DNAH9: variants seen among roughly 807,000 people sequenced by gnomAD.
The protein encoded by DNAH9 is DNAH9 variant protein.
In DNAH9, 345 loss-of-function variants were observed where a neutral mutation model predicts 471.6. The ratio of observed to expected loss-of-function variants is 0.73; its 90% CI spans 0.67 to 0.80. The LOEUF is 0.80. Among genes scored for constraint, DNAH9 ranks in the 30% least tolerant of loss-of-function variants. DNAH9 has a pLI of 0.00. For missense variants in DNAH9, 5,407 were observed against 5,609.2 expected, an observed-to-expected ratio of 0.96 and a Z score of 1.15; for synonymous variants, 2,093 against 2,123.6, an observed-to-expected ratio of 0.99 and a Z score of 0.40.
At chr17:11,961,842 TC>T in intron 67 of DNAH9, 24 bp from the exon 68 acceptor site, 1 of 1,572,270 alleles carries the variant, frequency 6.4e-7, no homozygotes, top group Non-Finnish European at 8.6e-7. Flanking sequence ...TCTCACGCTT[TC>T]CCCCTCCCAT....
In DNAH9 at chr17:11,704,358, C is replaced by T; in HGVS notation, c.5307C>T (p.Ser1769=). Residue 1769 remains serine (S), a synonymous_variant, in exon 25 of 69, where the codon TCC becomes TCT. Coordinates refer to ENST00000262442, the MANE Select transcript of DNAH9 (RefSeq NM_001372.4). ...TLITMLIGQL[S]KGDRQKIMTI... is the part of the protein sequence containing the mutation. ...TCACCATGCTGATTGGCCAGCTCTC[C>T]AAGGGAGACCGGCAGAAGATTATGA... is the stretch of plus-strand genomic sequence containing the variant. The T allele has an allele frequency of 6.2e-7, 1 of 1,614,186 alleles. No homozygotes were observed. The highest frequency in any genetic ancestry group is 8.5e-7 in the Non-Finnish European group (1 of 1,180,036).
chr17:11,881,767 C>T (rs1972731186), intron 55 of DNAH9, among the ~76,000 whole-genome samples: 1 of 152,082 alleles, frequency 6.6e-6, no homozygotes, highest in Non-Finnish European at 1.5e-5. Flanking sequence ...TTAAAATTAA[C>T]TGGGCATGGT....
intron 61 of DNAH9, among the ~76,000 whole-genome samples, chr17:11,922,400 T>C (rs1974166880): frequency 6.6e-6 from 1 of 152,248 alleles, no homozygotes; most frequent in African/African-American, 2.4e-5. Flanking sequence ...CATGGTATTA[T>C]ACATTTTTAT....
At chr17:11,618,310 G>A (rs931686488) in intron 5 of DNAH9, among the ~76,000 whole-genome samples, 24 of 152,080 alleles carry the variant, frequency 1.6e-4, no homozygotes, top group East Asian at 1.9e-4. Context: ...CTAGAGGGCC[G>A]GGCGCGGTGG....
At chr17:11,762,770 G>GTTTTGTTTTTT (rs1967747335) in intron 35 of DNAH9, among the ~76,000 whole-genome samples, 30 of 90,788 alleles carry the variant, frequency 3.3e-4, no homozygotes, top group East Asian at 1.3e-3. Context: ...TTTTTTTTTT[G>GTTTTGTTTTTT]TTTTTTTTTT....
At chr17:11,902,340 C>A (rs946526858) in intron 59 of DNAH9, among the ~76,000 whole-genome samples, 3 of 152,106 alleles carry the variant, frequency 2.0e-5, no homozygotes, top group Non-Finnish European at 4.4e-5. Flanking sequence ...GGTTTGGTGG[C>A]AGAGTGAGTT....
At chr17:11,647,828 G>C (rs1478984322) in intron 12 of DNAH9, among the ~76,000 whole-genome samples, 2 of 152,172 alleles carry the variant, frequency 1.3e-5, no homozygotes, top group African/African-American at 4.8e-5. Context: ...GTTCTCAACT[G>C]GTGGTGATTT....
intron 67 of DNAH9, among the ~76,000 whole-genome samples, chr17:11,959,127 G>A (rs1975865317): frequency 6.6e-6 from 1 of 152,140 alleles, no homozygotes; most frequent in Non-Finnish European, 1.5e-5. Context: ...CAAAGGAAAT[G>A]TCAACTTAAA....
intron 1 of DNAH9, among the ~76,000 whole-genome samples, chr17:11,606,444 TTTTCTTTTC>T (rs1206363833): frequency 3.2e-4 from 1 of 3,090 alleles, no homozygotes; most frequent in Non-Finnish European, 2.4e-3. Flanking sequence ...TTTTCTTTTC[TTTTCTTTTC>T]TTTTTTTTTT....
intron 28 of DNAH9, among the ~76,000 whole-genome samples, chr17:11,729,540 TGA>T (rs907812112): frequency 1.3e-5 from 2 of 152,226 alleles, no homozygotes; most frequent in African/African-American, 4.8e-5. Context: ...AATGTAGCTA[TGA>T]GAGACTCTTT....
intron 14 of DNAH9, among the ~76,000 whole-genome samples, chr17:11,661,498 T>A (rs555035434): frequency 6.6e-6 from 1 of 152,296 alleles, no homozygotes; most frequent in South Asian, 2.1e-4. Context: ...GCTTTCTTGT[T>A]CCTCTGCTCT....
chr17:11,639,563 C>T (rs2073228681), intron 9 of DNAH9, among the ~76,000 whole-genome samples: 1 of 152,288 alleles, frequency 6.6e-6, no homozygotes, highest in Non-Finnish European at 1.5e-5. Context: ...ATGGAATTCT[C>T]ACAGAAACTC....
At chr17:11,732,830 C>T (rs1035759399) in intron 28 of DNAH9, among the ~76,000 whole-genome samples, 1 of 152,120 alleles carries the variant, frequency 6.6e-6, no homozygotes, top group African/African-American at 2.4e-5. Context: ...GCCTTCCTGG[C>T]ACTTTCTTCT....
At position 11,679,829 on chromosome 17, in the gene DNAH9, C is replaced by T. The variant is rs751839391; in HGVS notation, c.3426C>T (p.Phe1142=). The change falls in exon 18 of 69, where the codon TTC becomes TTT. Residue 1142 remains phenylalanine (F), a synonymous_variant. Coordinates refer to ENST00000262442, the MANE Select transcript of DNAH9 (RefSeq NM_001372.4). ...GLLKKVEKGD[F]QGLVEIMGHL... ...TCAAGAAAGTTGAAAAAGGAGATTT[C>T]CAAGGCTTGGTTGAGATCATGGGAC... 9 of 1,614,038 alleles carry T rather than the reference C, an allele frequency of 5.6e-6. No individual in the cohort carries two copies. The Admixed American group carries it at 6.7e-5, about 12-fold the overall frequency.
At chr17:11,871,945 A>G (rs1462576220) in intron 52 of DNAH9, among the ~76,000 whole-genome samples, 159 bp downstream of exon 52, 4 of 151,994 alleles carry the variant, frequency 2.6e-5, no homozygotes, top group Non-Finnish European at 5.9e-5. Flanking sequence ...GTCCTTCCAC[A>G]CTGCCTTGCA....
intron 39 of DNAH9, 145 bp downstream of exon 39, chr17:11,781,319 T>C (rs1968657590): frequency 2.4e-6 from 2 of 850,462 alleles, no homozygotes; most frequent in Admixed American, 3.3e-5. Context: ...ACATTTCTCA[T>C]TCAATTCTCT....
At chr17:11,800,454 A>G (rs1414839860) in intron 43 of DNAH9, among the ~76,000 whole-genome samples, 1 of 151,982 alleles carries the variant, frequency 6.6e-6, no homozygotes, top group African/African-American at 2.4e-5. Context: ...ATGCATCAGC[A>G]TACAAACATG....
At chr17:11,733,774 C>T (rs921232788) in intron 28 of DNAH9, among the ~76,000 whole-genome samples, 7 of 144,996 alleles carry the variant, frequency 4.8e-5, no homozygotes, top group Non-Finnish European at 1.0e-4. Context: ...AGGGGAATGG[C>T]GGTGTGAACC....
intron 60 of DNAH9, among the ~76,000 whole-genome samples, chr17:11,903,917 G>GAAAAAAA (rs1555618577): frequency 0.024 from 3,394 of 138,800 alleles, 133 homozygotes; most frequent in African/African-American, 0.084. Context: ...TTTTAAAAAA[G>GAAAAAAA]AAAGAAGGAA....
Sources: gnomAD v4.1 joint callset for allele counts (sites outside exome capture counted in the v4.1 genomes callset) on GRCh38, gnomAD v4.1.1 for gene constraint, MANE v1.5 for transcripts, NCBI Gene and HGNC (gene_info 2026-07-23, HGNC 2026-07-21) for gene names.